SLC12A1: variants seen among roughly 807,000 people sequenced by gnomAD.
SLC12A1 encodes solute carrier family 12 member 1.
Under a neutral mutation model 130.4 loss-of-function variants are expected in SLC12A1, and 89 were observed. The ratio of observed to expected loss-of-function variants is 0.68; its 90% CI spans 0.58 to 0.81. The LOEUF is 0.81. Ranked by LOEUF, SLC12A1 falls within the 40% of genes least tolerant of loss-of-function variation. The pLI, the probability that SLC12A1 is intolerant of heterozygous loss-of-function variation, is 0.00. For synonymous variants in SLC12A1, 499 were observed against 460.0 expected (o/e 1.08, Z -1.09); for missense variants, 1,310 against 1,336.4 (o/e 0.98, Z 0.31).
chr15:48,278,451 C>T (rs767445487), intron 20 of SLC12A1, among the ~76,000 whole-genome samples: 4 of 152,138 alleles, frequency 2.6e-5, no homozygotes, highest in Non-Finnish European at 5.9e-5. Flanking sequence ...TTGAAAGCCC[C>T]TATTTTATCT....
rs367562995 is a variant in SLC12A1 at position 48,229,224 on chromosome 15, C to T, written c.760C>T (p.Pro254Ser). ...CTATCTTATTTCCAGAAGTTTAGGG[C>T]CCGAGTTCGGTGGGTCAATAGGCCT... ...AYYLISRSLG[P>S]EFGGSIGLIF... The change falls in exon 6 of 27, where the codon CCC becomes TCC. Residue 254 changes from proline (P) to serine (S), a missense_variant. Pro to Ser is a moderately conservative substitution (Grantham distance 74). Coordinates refer to ENST00000380993, the MANE Select transcript of SLC12A1 (RefSeq NM_000338.3). 33 of 1,591,150 alleles carry T rather than the reference C, an allele frequency of 2.1e-5. No individual in the cohort carries two copies. Among genetic ancestry groups the T allele is most frequent in the Admixed American group, 1.4e-4 (8 of 56,070 alleles).
chr15:48,244,626 A>T, intron 10 of SLC12A1, 127 bp from the exon 11 acceptor site: 1 of 873,530 alleles, frequency 1.1e-6, no homozygotes, highest in Non-Finnish European at 1.8e-6. Context: ...GTTATCAAGA[A>T]CTACTCACAG....
In SLC12A1 at chr15:48,302,956, G is replaced by A; in HGVS notation, c.*71G>A. 8.3e-7 allele frequency: 1 copy of A among 1,202,428 alleles called. No individual in the cohort carries two copies. Among genetic ancestry groups the A allele is most frequent in the Non-Finnish European group, 1.2e-6 (1 of 843,642 alleles). 74.5% of individuals were successfully genotyped at this position (1,202,428 alleles called of 1,614,324 possible). On this transcript the variant is annotated 3_prime_UTR_variant, in exon 27 of 27. Transcript: ENST00000380993. ...TAAGAAACATGTTCCAGTACTTTATGTTGTAAATCTGATCTATGGATATGC... is the reference window on the plus strand; with the variant it reads ...TAAGAAACATGTTCCAGTACTTTATATTGTAAATCTGATCTATGGATATGC...
intron 16 of SLC12A1, among the ~76,000 whole-genome samples, chr15:48,258,825 G>A (rs1487988576): frequency 6.6e-6 from 1 of 152,108 alleles, no homozygotes; most frequent in Non-Finnish European, 1.5e-5. Flanking sequence ...CATGGTGGAG[G>A]GTGAATGAGA....
chr15:48,241,697 T>C, intron 10 of SLC12A1, 98 bp downstream of exon 10: 1 of 832,760 alleles, frequency 1.2e-6, no homozygotes, highest in Non-Finnish European at 2.0e-6. Flanking sequence ...ACAGAGTTTT[T>C]TAAAAGGCAA....
intron 7 of SLC12A1, among the ~76,000 whole-genome samples, chr15:48,231,742 G>T (rs2041381870): frequency 6.6e-6 from 1 of 152,162 alleles, no homozygotes; most frequent in Non-Finnish European, 1.5e-5. Flanking sequence ...AATGGGCCAG[G>T]CACGGTGGCA....
chr15:48,220,521 G>T lies in SLC12A1; in HGVS notation c.421-113G>T, dbSNP rs576171708. 8.0e-5 allele frequency: 82 copies of T among 1,027,594 alleles called. No individual in the cohort carries two copies. In the African/African-American group the frequency reaches 1.1e-3, roughly 13 times the overall value. The allele number at this position is 1,027,594 out of a possible 1,614,324, so 63.7% of individuals were successfully genotyped here. ...ATTCTCAGAATATATTTAGTTTGGGGGTTTTTTGGTATTTTAAGTTTTATT... is the reference window on the plus strand; with the variant it reads ...ATTCTCAGAATATATTTAGTTTGGGTGTTTTTTGGTATTTTAAGTTTTATT... On this transcript the variant is annotated intron_variant, in intron 2 of 26. Transcript: ENST00000380993.
chr15:48,277,643 C>A (rs1376510540), intron 20 of SLC12A1, among the ~76,000 whole-genome samples: 1 of 152,150 alleles, frequency 6.6e-6, no homozygotes, highest in Non-Finnish European at 1.5e-5. Flanking sequence ...ATGAAGTCTC[C>A]AAGGTACAGG....
chr15:48,216,007 T>C (rs1054035155), intron 2 of SLC12A1, among the ~76,000 whole-genome samples: 1 of 152,204 alleles, frequency 6.6e-6, no homozygotes, highest in African/African-American at 2.4e-5. Flanking sequence ...TCTGTGCTTG[T>C]AAATTTACTG....
chr15:48,215,248 A>C (rs2041106500), intron 2 of SLC12A1, among the ~76,000 whole-genome samples: 1 of 152,144 alleles, frequency 6.6e-6, no homozygotes, highest in Middle Eastern at 3.2e-3. Flanking sequence ...TCAAGAACTC[A>C]TTGCCCTTTA....
intron 23 of SLC12A1, among the ~76,000 whole-genome samples, chr15:48,289,484 G>GTA (rs1447113734): frequency 4.3e-5 from 5 of 115,988 alleles, no homozygotes; most frequent in Admixed American, 3.3e-4. Flanking sequence ...GTATAACAAT[G>GTA]TATATACACA....
chr15:48,301,502 T>TGCGTGGGGG (rs60810487), intron 26 of SLC12A1, 120 bp downstream of exon 26: 1 of 434,014 alleles, frequency 2.3e-6, no homozygotes, highest in African/African-American at 2.8e-5. Flanking sequence ...GTGTTTTTTT[T>TGCGTGGGGG]GGGGGGGGGA....
chr15:48,301,222 T>G, intron 25 of SLC12A1, 93 bp from the exon 26 acceptor site: 174 of 855,192 alleles, frequency 2.0e-4, no homozygotes, highest in Non-Finnish European at 2.9e-4. Flanking sequence ...TTTTTTAAGA[T>G]GAGATTTTCT....
chr15:48,247,849 A>G (rs2141059250), intron 13 of SLC12A1, among the ~76,000 whole-genome samples: 1 of 152,244 alleles, frequency 6.6e-6, no homozygotes, highest in Non-Finnish European at 1.5e-5. Flanking sequence ...TATCGCAATC[A>G]CCTGGGGTGT....
intron 5 of SLC12A1, chr15:48,227,511 C>T (rs994704481): frequency 1.6e-5 from 5 of 310,826 alleles, no homozygotes; most frequent in Non-Finnish European, 2.4e-5. Flanking sequence ...CATGGGTCTT[C>T]TCCAATGCCC....
At chr15:48,245,056 G>A (rs2041562116) in intron 11 of SLC12A1, among the ~76,000 whole-genome samples, 152 bp downstream of exon 11, 1 of 152,198 alleles carries the variant, frequency 6.6e-6, no homozygotes, top group Admixed American at 6.5e-5. Flanking sequence ...GAGTCATACA[G>A]TCATTACATG....
chr15:48,285,223 A>C lies in SLC12A1; in HGVS notation c.2603A>C (p.Asn868Thr). Residue 868 changes from asparagine (N) to threonine (T), a missense_variant, in exon 21 of 27, where the codon AAC becomes ACC. Coordinates refer to ENST00000380993, the MANE Select transcript of SLC12A1 (RefSeq NM_000338.3). ...RGLFKKAGKL[N>T]ITKTTPKKDG... ...TTGTTTAAAAAAGCTGGCAAGTTGA[A>C]CATTACTAAGACAACGCCTAAAAAA... is the stretch of plus-strand genomic sequence containing the variant. 1 of 1,613,906 alleles carries C rather than the reference A, an allele frequency of 6.2e-7. No homozygotes were observed. The highest frequency in any genetic ancestry group is 8.5e-7 in the Non-Finnish European group (1 of 1,179,830).
At chr15:48,216,165 C>A (rs2041119044) in intron 2 of SLC12A1, among the ~76,000 whole-genome samples, 1 of 152,064 alleles carries the variant, frequency 6.6e-6, no homozygotes, top group Non-Finnish European at 1.5e-5. Context: ...TTGACTACAC[C>A]TTTGAATAAT....
chr15:48,266,700 GA>G (rs2041835452), intron 17 of SLC12A1, among the ~76,000 whole-genome samples: 1 of 152,116 alleles, frequency 6.6e-6, no homozygotes. Context: ...AATTTCCTGG[GA>G]AAATGGATTT....
Sources: allele counts gnomAD v4.1 joint callset (sites outside exome capture counted in the v4.1 genomes callset), GRCh38; gene constraint gnomAD v4.1.1; transcripts MANE v1.5; gene names NCBI Gene and HGNC (gene_info 2026-07-23, HGNC 2026-07-21).